Variants in KCNQ5 observed in about 807,000 individuals in gnomAD.
The protein encoded by KCNQ5 is potassium voltage-gated channel subfamily Q member 5, also known as potassium voltage-gated channel subfamily KQT member 5.
A neutral mutation model predicts 98.2 loss-of-function variants in KCNQ5; 30 were observed. The observed-to-expected ratio is 0.31, with a 90% confidence interval of 0.23 to 0.41. KCNQ5 has a LOEUF of 0.41. Ranked by LOEUF, KCNQ5 falls within the 10% of genes least tolerant of loss-of-function variation. The pLI, the probability that KCNQ5 is intolerant of heterozygous loss-of-function variation, is 1.00. For synonymous variants in KCNQ5, 458 were observed against 449.4 expected, an observed-to-expected ratio of 1.02 and a Z score of -0.24; for missense variants, 835 against 1,182.5, an observed-to-expected ratio of 0.71 and a Z score of 4.31.
At chr6:72,633,755 A>C (rs1238174611) in intron 1 of KCNQ5, among the ~76,000 whole-genome samples, 1 of 152,228 alleles carries the variant, frequency 6.6e-6, no homozygotes, top group Admixed American at 6.5e-5. Context: ...CTGATCTTCA[A>C]TAAGGCCAAC....
At chr6:72,644,905 G>C (rs1282232451) in intron 1 of KCNQ5, among the ~76,000 whole-genome samples, 2 of 152,060 alleles carry the variant, frequency 1.3e-5, no homozygotes, top group Non-Finnish European at 1.5e-5. Flanking sequence ...TCTGAATCAG[G>C]CTCCTGGAAA....
At chr6:72,862,546 C>A (rs917986674) in intron 1 of KCNQ5, among the ~76,000 whole-genome samples, 5 of 152,150 alleles carry the variant, frequency 3.3e-5, no homozygotes, top group African/African-American at 1.2e-4. Context: ...TTCTAGTATT[C>A]TACCACCCTT....
chr6:72,693,251 G>A (rs1427556412), intron 1 of KCNQ5, among the ~76,000 whole-genome samples: 1 of 152,130 alleles, frequency 6.6e-6, no homozygotes, highest in East Asian at 1.9e-4. Context: ...ACGTGCACAC[G>A]AGACTTGGAA....
At chr6:72,635,193 AT>A (rs111843592) in intron 1 of KCNQ5, among the ~76,000 whole-genome samples, 3 of 149,806 alleles carry the variant, frequency 2.0e-5, no homozygotes, top group South Asian at 2.1e-4. Flanking sequence ...TGCCCAGCTA[AT>A]TTTTTTTTTA....
chr6:72,819,634 C>T (rs1429325147), intron 1 of KCNQ5, among the ~76,000 whole-genome samples: 2 of 152,150 alleles, frequency 1.3e-5, no homozygotes, highest in African/African-American at 2.4e-5. Context: ...GATACATGCC[C>T]TTGCTCCAGG....
At position 72,793,004 on chromosome 6, in the gene KCNQ5, TA is replaced by T. The variant is rs1774140743; in HGVS notation, c.398+170418del. The stretch of plus-strand genomic sequence containing the variant: ...TACCCACCTCCTGGGAGAGTTTTTT[TA>T]TGGGTGAGACATTTTCAGATTGTTA... On this transcript the variant is annotated intron_variant, in intron 1 of 13. Transcript: ENST00000370398. 2.0e-5 allele frequency among the ~76,000 whole-genome samples: 3 copies of T among 152,326 alleles called. No individual in the cohort carries two copies. In the South Asian group the frequency reaches 6.2e-4, roughly 32 times the overall value.
chr6:72,763,489 A>T (rs73756510), intron 1 of KCNQ5, among the ~76,000 whole-genome samples: 6,082 of 152,184 alleles, frequency 0.04, 422 homozygotes, highest in African/African-American at 0.14. Flanking sequence ...ATAAGTGTAT[A>T]AAATGTCAAT....
At chr6:72,923,423 C>T (rs80220717) in intron 1 of KCNQ5, among the ~76,000 whole-genome samples, 2,280 of 152,176 alleles carry the variant, frequency 0.015, 54 homozygotes, top group African/African-American at 0.051. Context: ...TGGTAATAGC[C>T]ATCTTAACAG....
chr6:72,985,080 C>T (rs1768698403), intron 1 of KCNQ5, among the ~76,000 whole-genome samples: 2 of 152,164 alleles, frequency 1.3e-5, no homozygotes, highest in Admixed American at 1.3e-4. Flanking sequence ...GTGGCATGTG[C>T]TGGTAGTCCT....
At chr6:72,873,199 A>G (rs868540453) in intron 1 of KCNQ5, among the ~76,000 whole-genome samples, 7 of 152,104 alleles carry the variant, frequency 4.6e-5, no homozygotes, top group African/African-American at 1.7e-4. Context: ...TCTCTCTGTT[A>G]TTAATATTGC....
chr6:72,900,931 G>A (rs1031272552), intron 1 of KCNQ5, among the ~76,000 whole-genome samples: 3 of 151,746 alleles, frequency 2.0e-5, no homozygotes, highest in Non-Finnish European at 4.4e-5. Context: ...TATGTTTGTT[G>A]GCCATTTGTA....
At chr6:72,943,236 TC>T (rs1766388185) in intron 1 of KCNQ5, among the ~76,000 whole-genome samples, 2 of 152,180 alleles carry the variant, frequency 1.3e-5, no homozygotes, top group Admixed American at 1.3e-4. Flanking sequence ...CCATACAGAA[TC>T]TGCATAAATA....
intron 1 of KCNQ5, among the ~76,000 whole-genome samples, chr6:72,800,496 T>C (rs1276233575): frequency 6.6e-6 from 1 of 152,186 alleles, no homozygotes; most frequent in African/African-American, 2.4e-5. Flanking sequence ...TTTTATTGCA[T>C]CTATTTGATT....
At chr6:72,696,094 T>G (rs1286325415) in intron 1 of KCNQ5, among the ~76,000 whole-genome samples, 1 of 152,116 alleles carries the variant, frequency 6.6e-6, no homozygotes, top group Non-Finnish European at 1.5e-5. Context: ...TTTGGGAGAA[T>G]GTATATCCTG....
At chr6:73,076,320 C>G (rs1773540807) in intron 3 of KCNQ5, among the ~76,000 whole-genome samples, 2 of 152,086 alleles carry the variant, frequency 1.3e-5, no homozygotes, top group South Asian at 2.1e-4. Flanking sequence ...AGTGTGGAAG[C>G]CCAGTCATGC....
At chr6:72,934,128 G>T (rs181077795) in intron 1 of KCNQ5, among the ~76,000 whole-genome samples, 1 of 152,284 alleles carries the variant, frequency 6.6e-6, no homozygotes, top group East Asian at 1.9e-4. Context: ...GAGGCATGAA[G>T]ATCCTACTTT....
intron 1 of KCNQ5, among the ~76,000 whole-genome samples, chr6:72,892,497 A>G (rs1779096068): frequency 6.6e-6 from 1 of 152,154 alleles, no homozygotes; most frequent in African/African-American, 2.4e-5. Flanking sequence ...TTCACTACAG[A>G]TGTACCTCTC....
intron 1 of KCNQ5, among the ~76,000 whole-genome samples, chr6:72,915,070 T>TA (rs575804621): frequency 1.3e-5 from 2 of 151,958 alleles, no homozygotes; most frequent in African/African-American, 2.4e-5. Flanking sequence ...ACTGTTAATT[T>TA]AAAAAAAGAT....
chr6:72,632,639 C>G (rs950504156), intron 1 of KCNQ5, among the ~76,000 whole-genome samples: 1 of 152,044 alleles, frequency 6.6e-6, no homozygotes, highest in African/African-American at 2.4e-5. Context: ...TCTTTATGTG[C>G]TTAGTATTTA....
Sources: gnomAD v4.1 joint callset for allele counts (sites outside exome capture counted in the v4.1 genomes callset) on GRCh38, gnomAD v4.1.1 for gene constraint, MANE v1.5 for transcripts, NCBI Gene and HGNC (gene_info 2026-07-23, HGNC 2026-07-21) for gene names.